Variants in EXOC4 observed in about 807,000 individuals in gnomAD.
The protein encoded by EXOC4 is SEC8-like 1.
In EXOC4, 71 loss-of-function variants were observed where a neutral mutation model predicts 107.2. That is an observed-to-expected ratio of 0.66 (90% CI 0.55 to 0.81). The LOEUF (loss-of-function observed/expected upper bound fraction) is 0.81. Ranked by LOEUF, EXOC4 falls within the 30% of genes least tolerant of loss-of-function variation. The pLI is 0.00. For missense variants in EXOC4, 1,108 were observed against 1,189.6 expected (o/e 0.93, Z 1.01); for synonymous variants, 456 against 441.2 (o/e 1.03, Z -0.42).
chr7:133,269,231 C>A (rs1004085755), intron 1 of EXOC4, among the ~76,000 whole-genome samples: 2 of 152,142 alleles, frequency 1.3e-5, no homozygotes, highest in Non-Finnish European at 2.9e-5. Context: ...TACATATGAA[C>A]TGTGGCTTGA....
intron 11 of EXOC4, among the ~76,000 whole-genome samples, chr7:133,849,050 C>G (rs574832088): frequency 6.6e-6 from 1 of 152,266 alleles, no homozygotes; most frequent in Admixed American, 6.5e-5. Context: ...TAACCTGAAG[C>G]CTTGAGACTC....
intron 11 of EXOC4, among the ~76,000 whole-genome samples, chr7:133,825,197 A>AC (rs1482764506): frequency 2.0e-5 from 3 of 151,116 alleles, no homozygotes; most frequent in African/African-American, 7.3e-5. Flanking sequence ...AAAAAAAAAA[A>AC]GAAAGAAAGA....
intron 9 of EXOC4, among the ~76,000 whole-genome samples, chr7:133,492,929 A>T (rs1161722449): frequency 1.3e-5 from 2 of 149,282 alleles, no homozygotes; most frequent in Admixed American, 1.3e-4. Context: ...GGCCCACTAT[A>T]TGTTCCTCAC....
intron 15 of EXOC4, among the ~76,000 whole-genome samples, chr7:133,999,436 T>G (rs1475142202): frequency 3.3e-5 from 5 of 152,212 alleles, no homozygotes; most frequent in Non-Finnish European, 7.3e-5. Context: ...ATTGCAGATT[T>G]AGAATCTGTG....
downstream of EXOC4, among the ~76,000 whole-genome samples, chr7:134,066,746 G>A (rs1796182654): frequency 6.6e-6 from 1 of 152,110 alleles, no homozygotes; most frequent in Non-Finnish European, 1.5e-5. Flanking sequence ...TGACCAACCA[G>A]AAAGTGCTAG....
chr7:133,744,942 G>A (rs1795643021), intron 10 of EXOC4, among the ~76,000 whole-genome samples: 1 of 152,076 alleles, frequency 6.6e-6, no homozygotes, highest in African/African-American at 2.4e-5. Context: ...ATTTCATGGT[G>A]AAACTAGTAC....
intron 10 of EXOC4, among the ~76,000 whole-genome samples, chr7:133,705,164 A>G (rs974912395): frequency 6.6e-6 from 1 of 152,102 alleles, no homozygotes; most frequent in African/African-American, 2.4e-5. Flanking sequence ...AGGAGTTCTC[A>G]AGACCAGCCT....
chr7:134,098,008 G>A, the EXOC4 span, among the ~76,000 whole-genome samples: 1 of 152,184 alleles, frequency 6.6e-6, no homozygotes. Flanking sequence ...CAAATGGGTA[G>A]GACCTGGCAC....
chr7:133,959,984 T>C (rs1219967995), intron 14 of EXOC4, among the ~76,000 whole-genome samples: 2 of 152,134 alleles, frequency 1.3e-5, no homozygotes, highest in East Asian at 3.9e-4. Flanking sequence ...TACATAAAAA[T>C]AGGAAAACAT....
At chr7:133,400,755 G>A (rs887362839) in intron 7 of EXOC4, among the ~76,000 whole-genome samples, 1 of 152,134 alleles carries the variant, frequency 6.6e-6, no homozygotes, top group Non-Finnish European at 1.5e-5. Context: ...CCCTTTGAGG[G>A]GCTCTTGTGC....
chr7:133,658,925 G>T (rs1190611884), intron 10 of EXOC4, among the ~76,000 whole-genome samples: 1 of 142,410 alleles, frequency 7.0e-6, no homozygotes, highest in African/African-American at 2.6e-5. Context: ...TGATCTTTTG[G>T]TTTAGTTTCA....
At chr7:133,689,898 A>C (rs1305815151) in intron 10 of EXOC4, among the ~76,000 whole-genome samples, 2 of 152,224 alleles carry the variant, frequency 1.3e-5, no homozygotes, top group Non-Finnish European at 2.9e-5. Flanking sequence ...TCATTCCATA[A>C]AGTAGAATGA....
chr7:133,712,032 G>A (rs1294863354), intron 10 of EXOC4, among the ~76,000 whole-genome samples: 1 of 152,116 alleles, frequency 6.6e-6, no homozygotes, highest in African/African-American at 2.4e-5. Flanking sequence ...CAAGTATTAA[G>A]AATTAGAGGC....
At position 133,885,143 on chromosome 7, in the gene EXOC4, G is replaced by A. The variant is rs150986916; in HGVS notation, c.1735-10456G>A. 2.4e-3 allele frequency among the ~76,000 whole-genome samples: 359 copies of A among 151,968 alleles called. 5 individuals are homozygous for A. The highest frequency in any genetic ancestry group is 8.1e-3 in the African/African-American group (334 of 41,466). On this transcript the variant is annotated intron_variant, in intron 11 of 17. Transcript: ENST00000253861. Reference sequence around the variant, plus strand: ...AGCCTGACTAACATGGTGAAACCCCGTCTCTACTAAAAATACAAAAATTAG... The same window carrying A: ...AGCCTGACTAACATGGTGAAACCCCATCTCTACTAAAAATACAAAAATTAG...
chr7:133,561,368 A>G (rs1427823187), intron 9 of EXOC4, among the ~76,000 whole-genome samples: 1 of 152,150 alleles, frequency 6.6e-6, no homozygotes, highest in East Asian at 1.9e-4. Flanking sequence ...CGTCTTCTCA[A>G]ACCAGTGTTT....
At chr7:133,317,418 G>A (rs1795015356) in intron 5 of EXOC4, 28 bp downstream of exon 5, 2 of 1,459,032 alleles carry the variant, frequency 1.4e-6, no homozygotes, top group South Asian at 2.3e-5. Context: ...CAGCCACTAA[G>A]CTTTTTAGTA....
At chr7:133,440,525 T>C (rs1465486808) in intron 7 of EXOC4, among the ~76,000 whole-genome samples, 1 of 152,176 alleles carries the variant, frequency 6.6e-6, no homozygotes, top group African/African-American at 2.4e-5. Context: ...AAAATAAGGC[T>C]CAGACTTACT....
intron 10 of EXOC4, among the ~76,000 whole-genome samples, chr7:133,725,714 A>G (rs1795200996): frequency 6.6e-6 from 1 of 152,172 alleles, no homozygotes; most frequent in Non-Finnish European, 1.5e-5. Context: ...ACAACTACTG[A>G]AGTATACTAT....
chr7:133,963,570 G>A (rs1585282724), intron 14 of EXOC4, among the ~76,000 whole-genome samples: 1 of 152,188 alleles, frequency 6.6e-6, no homozygotes, highest in African/African-American at 2.4e-5. Flanking sequence ...TGAAATAACT[G>A]CAGTGTGAAG....
Sources: allele counts gnomAD v4.1 joint callset (sites outside exome capture counted in the v4.1 genomes callset), GRCh38; gene constraint gnomAD v4.1.1; transcripts MANE v1.5; gene names NCBI Gene and HGNC (gene_info 2026-07-23, HGNC 2026-07-21).